Variants in ZFHX3 observed in about 807,000 individuals in gnomAD.
ZFHX3 encodes zinc finger homeobox 3.
In ZFHX3, 42 loss-of-function variants were observed where a neutral mutation model predicts 279.1. The ratio of observed to expected loss-of-function variants is 0.15; its 90% CI spans 0.12 to 0.19. The LOEUF is 0.19. Among genes scored for constraint, ZFHX3 ranks in the 10% least tolerant of loss-of-function variants. The probability of loss-of-function intolerance (pLI) is 1.00; values close to 1 mark genes in which losing one functional copy is unlikely to be tolerated. For synonymous variants in ZFHX3, 2,293 were observed against 1,957.8 expected, an observed-to-expected ratio of 1.17 and a Z score of -4.52; for missense variants, 4,981 against 4,754.0, an observed-to-expected ratio of 1.05 and a Z score of -1.40.
chr16:72,992,597 G>A (rs1963132703), intron 1 of ZFHX3, among the ~76,000 whole-genome samples: 1 of 152,148 alleles, frequency 6.6e-6, no homozygotes, highest in Admixed American at 6.5e-5. Flanking sequence ...GCCAAAAGAG[G>A]GGACTCAGCC....
chr16:73,585,227 C>T (rs1364072098), intron 2 of ZFHX3, among the ~76,000 whole-genome samples: 1 of 152,142 alleles, frequency 6.6e-6, no homozygotes, highest in Non-Finnish European at 1.5e-5. Context: ...ACTATCCTGG[C>T]CAACATGGTG....
chr16:73,568,687 A>G (rs1415025733), intron 2 of ZFHX3, among the ~76,000 whole-genome samples: 1 of 152,174 alleles, frequency 6.6e-6, no homozygotes, highest in African/African-American at 2.4e-5. Context: ...CGTCATTGCC[A>G]TTGTGCGAGG....
At chr16:73,546,109 T>G (rs1314531385) in intron 2 of ZFHX3, among the ~76,000 whole-genome samples, 1 of 152,218 alleles carries the variant, frequency 6.6e-6, no homozygotes, top group Non-Finnish European at 1.5e-5. Flanking sequence ...TAAATCGTGC[T>G]AAAAGGAAAA....
chr16:73,748,228 A>G (rs1567397124), intron 1 of ZFHX3, among the ~76,000 whole-genome samples: 2 of 152,198 alleles, frequency 1.3e-5, no homozygotes, highest in African/African-American at 4.8e-5. Flanking sequence ...AGATACTGAC[A>G]ATTATTAAGT....
chr16:73,231,601 A>C (rs2144931195), intron 5 of ZFHX3, among the ~76,000 whole-genome samples: 2 of 152,272 alleles, frequency 1.3e-5, no homozygotes, highest in East Asian at 3.9e-4. Flanking sequence ...GTTCCAGCTG[A>C]GAGCGTGAAA....
intron 1 of ZFHX3, among the ~76,000 whole-genome samples, chr16:73,792,173 T>C (rs944405729): frequency 6.6e-6 from 1 of 152,242 alleles, no homozygotes; most frequent in East Asian, 1.9e-4. Context: ...ATACGCAGCA[T>C]GAAAACTGAG....
chr16:73,744,053 T>A (rs2053683423), intron 1 of ZFHX3, among the ~76,000 whole-genome samples: 1 of 152,142 alleles, frequency 6.6e-6, no homozygotes, highest in Admixed American at 6.5e-5. Context: ...ATCCAACAAA[T>A]CAGACCACAT....
chr16:72,952,664 G>A (rs1440347608), intron 2 of ZFHX3, among the ~76,000 whole-genome samples: 3 of 152,212 alleles, frequency 2.0e-5, no homozygotes, highest in South Asian at 4.1e-4. Context: ...ACGTCTCCAC[G>A]AAAGGGCCGG....
intron 1 of ZFHX3, among the ~76,000 whole-genome samples, chr16:73,683,068 T>C (rs1217392579): frequency 6.6e-6 from 1 of 152,066 alleles, no homozygotes; most frequent in Non-Finnish European, 1.5e-5. Context: ...TTTTTGAAGA[T>C]AGACTATACA....
rs79778561 is a variant in ZFHX3 at position 72,897,765 on chromosome 16, T to A, written c.3217-7803A>T. Among the ~76,000 whole-genome samples, 979 of 152,246 alleles carry A rather than the reference T, an allele frequency of 6.4e-3. 10 individuals are homozygous for A. Among genetic ancestry groups the A allele is most frequent in the African/African-American group, 0.022 (933 of 41,546 alleles). On this transcript the variant is annotated intron_variant, in intron 3 of 9. Coordinates refer to ENST00000268489, the MANE Select transcript of ZFHX3 (RefSeq NM_006885.4). ...CTACACACACTTTTAAATTTTCACATTACAACCCCATGAGGTGGGTCACAT... is the reference window on the plus strand; with the variant it reads ...CTACACACACTTTTAAATTTTCACAATACAACCCCATGAGGTGGGTCACAT...
In ZFHX3 at chr16:73,784,536, C is replaced by G. The variant is rs528902026; in HGVS notation, c.-1607-104296G>C. Among the ~76,000 whole-genome samples, 6 of 152,040 alleles carry G rather than the reference C, an allele frequency of 3.9e-5. No individual in the cohort carries two copies. In the South Asian group the frequency reaches 8.3e-4, roughly 21 times the overall value. On this transcript the variant is annotated intron_variant, in intron 1 of 17. Coordinates refer to the ZFHX3 transcript ENST00000641206. The stretch of plus-strand genomic sequence containing the variant: ...GGCCAAAGCAGGCAGATCATGAGGT[C>G]AAGAGATCGAGACAATCCTGGCCAA...
intron 3 of ZFHX3, among the ~76,000 whole-genome samples, chr16:73,439,428 G>A (rs181619085): frequency 7.2e-5 from 11 of 151,996 alleles, no homozygotes; most frequent in South Asian, 4.2e-4. Context: ...TAGGAATCAC[G>A]GACATGGAAT....
chr16:73,661,968 T>TG (rs2052789645), intron 2 of ZFHX3, among the ~76,000 whole-genome samples: 1 of 147,164 alleles, frequency 6.8e-6, no homozygotes, highest in Admixed American at 6.8e-5. Flanking sequence ...CATTCTTTTT[T>TG]TTTTGTTTTT....
At chr16:72,905,890 TCTAA>T (rs144089482) in intron 3 of ZFHX3, among the ~76,000 whole-genome samples, 23 of 152,304 alleles carry the variant, frequency 1.5e-4, no homozygotes, top group African/African-American at 5.3e-4. Context: ...GTCCTCCTAA[TCTAA>T]CTGTTGCCAG....
At chr16:73,715,837 G>T (rs1274645070) in intron 1 of ZFHX3, among the ~76,000 whole-genome samples, 1 of 152,044 alleles carries the variant, frequency 6.6e-6, no homozygotes, top group Admixed American at 6.6e-5. Flanking sequence ...CTCCCAAAGT[G>T]CTGGGATTAC....
rs142142804 is a variant in ZFHX3, at chr16:73,112,191, TAAG to T, written c.-896-18596_-896-18594del. 8.9e-3 allele frequency among the ~76,000 whole-genome samples: 1,351 copies of T among 151,218 alleles called. 16 individuals are homozygous for T. The highest frequency in any genetic ancestry group is 0.03 in the African/African-American group (1,255 of 41,150). ...CCATGGCACCTGATCTCAAGAGGGA[TAAG>T]AAGGAGAGAAAAAGGGAAGACAGAG... is the stretch of plus-strand genomic sequence containing the variant. On this transcript the variant is annotated intron_variant, in intron 7 of 17. Transcript: ENST00000641206.
chr16:73,201,301 A>G (rs1430497784), intron 5 of ZFHX3, among the ~76,000 whole-genome samples: 1 of 152,232 alleles, frequency 6.6e-6, no homozygotes, highest in Admixed American at 6.5e-5. Context: ...AACACAGAGG[A>G]AAACAGAACC....
upstream of ZFHX3, among the ~76,000 whole-genome samples, chr16:73,052,707 TG>T (rs1965472898): frequency 6.6e-6 from 1 of 152,048 alleles, no homozygotes; most frequent in African/African-American, 2.4e-5. Context: ...AAAGAATGGA[TG>T]AAAAAAAGAA....
chr16:73,085,048 A>G (rs1222488776), intron 8 of ZFHX3, among the ~76,000 whole-genome samples: 1 of 152,174 alleles, frequency 6.6e-6, no homozygotes, highest in Non-Finnish European at 1.5e-5. Flanking sequence ...AGAAAAAAAA[A>G]GTCCTAGAAC....
Sources: gnomAD v4.1 joint callset for allele counts (sites outside exome capture counted in the v4.1 genomes callset) on GRCh38, gnomAD v4.1.1 for gene constraint, MANE v1.5 for transcripts, NCBI Gene and HGNC (gene_info 2026-07-23, HGNC 2026-07-21) for gene names.